Variants in PLSCR1 observed in about 807,000 individuals in gnomAD.
PLSCR1 encodes PL scramblase 1.
A neutral mutation model predicts 37.8 loss-of-function variants in PLSCR1; 17 were observed. The ratio of observed to expected loss-of-function variants is 0.45; its 90% CI spans 0.31 to 0.68. The LOEUF is 0.68. Among genes scored for constraint, PLSCR1 ranks in the 30% least tolerant of loss-of-function variants. The pLI is 0.06. For synonymous variants in PLSCR1, 116 were observed against 125.9 expected (o/e 0.92, Z 0.53); for missense variants, 347 against 380.9 (o/e 0.91, Z 0.74).
intron 5 of PLSCR1, among the ~76,000 whole-genome samples, chr3:146,522,601 GGTTTCTC>G (rs2044041376): frequency 6.6e-6 from 1 of 152,142 alleles, no homozygotes; most frequent in African/African-American, 2.4e-5. Context: ...TATTGTCCAA[GGTTTCTC>G]CCCATGTGAT....
chr3:146,529,364 G>C (rs1163466205), intron 3 of PLSCR1, among the ~76,000 whole-genome samples: 1 of 152,092 alleles, frequency 6.6e-6, no homozygotes, highest in Non-Finnish European at 1.5e-5. Flanking sequence ...CAACTGGAGG[G>C]GAAGATAATA....
intron 5 of PLSCR1, among the ~76,000 whole-genome samples, chr3:146,522,660 T>A (rs1178613911): frequency 6.6e-6 from 1 of 152,088 alleles, no homozygotes; most frequent in Non-Finnish European, 1.5e-5. Context: ...GACCTGACCG[T>A]CCACCAGTCC....
chr3:146,534,460 A>G lies in PLSCR1; in HGVS notation c.14-910T>C, dbSNP rs373703037. Among the ~76,000 whole-genome samples, 48 of 152,218 alleles carry G rather than the reference A, an allele frequency of 3.2e-4. 1 individual carries two copies. The South Asian group carries it at 9.8e-3, about 31-fold the overall frequency. ...AGAAGAACATATAGGTCAAACTTTC[A>G]CTGTAACACATTTTTCTGTATGTGT... On this transcript the variant is annotated intron_variant, in intron 2 of 8. Coordinates refer to ENST00000342435, the MANE Select transcript of PLSCR1 (RefSeq NM_021105.3).
intron 1 of PLSCR1, chr3:146,537,960 A>G (rs1019320750): frequency 1.3e-5 from 2 of 152,228 alleles, no homozygotes; most frequent in Non-Finnish European, 2.9e-5. Context: ...AGTCTTAAGA[A>G]CATTCCAATT....
At chr3:146,540,547 G>A (rs1415156292) in intron 1 of PLSCR1, among the ~76,000 whole-genome samples, 1 of 152,080 alleles carries the variant, frequency 6.6e-6, no homozygotes, top group East Asian at 1.9e-4. Flanking sequence ...ACCCAAAGGG[G>A]AAGCATACTT....
At chr3:146,527,450 A>T (rs1423720172) in intron 4 of PLSCR1, among the ~76,000 whole-genome samples, 4 of 152,234 alleles carry the variant, frequency 2.6e-5, no homozygotes, top group Admixed American at 1.3e-4. Flanking sequence ...TGTACTCCAT[A>T]AATATGCACA....
At chr3:146,534,573 C>T (rs1057447277) in intron 2 of PLSCR1, among the ~76,000 whole-genome samples, 13 of 152,102 alleles carry the variant, frequency 8.5e-5, no homozygotes, top group Admixed American at 2.6e-4. Context: ...CCCCCTGCCC[C>T]GGCCTTTCTC....
intron 3 of PLSCR1, 82 bp from the exon 4 acceptor site, chr3:146,528,913 A>G (rs2044157563): frequency 1.9e-5 from 18 of 928,298 alleles, no homozygotes; most frequent in African/African-American, 5.0e-5. Flanking sequence ...CCATCTATCT[A>G]TAAGTTGACA....
chr3:146,532,143 T>C (rs1489768053), intron 3 of PLSCR1, among the ~76,000 whole-genome samples: 1 of 152,192 alleles, frequency 6.6e-6, no homozygotes, highest in Non-Finnish European at 1.5e-5. Flanking sequence ...TGTAGAGCCA[T>C]ATATATCTAT....
At chr3:146,522,941 C>T (rs1037750829) in intron 5 of PLSCR1, among the ~76,000 whole-genome samples, 15 of 152,110 alleles carry the variant, frequency 9.9e-5, no homozygotes, top group Non-Finnish European at 2.2e-4. Flanking sequence ...TTTTCTTTAC[C>T]TTTTTATGAT....
chr3:146,520,552 A>G (rs6765640), intron 7 of PLSCR1, among the ~76,000 whole-genome samples: 1,831 of 152,234 alleles, frequency 0.012, 34 homozygotes, highest in African/African-American at 0.043. Context: ...TCTATATCAC[A>G]TCCTCCTTAG....
intron 6 of PLSCR1, 48 bp from the exon 7 acceptor site, chr3:146,521,753 G>A: frequency 3.2e-6 from 5 of 1,580,684 alleles, no homozygotes; most frequent in Non-Finnish European, 4.3e-6. Flanking sequence ...ATAATGCCTA[G>A]GTTCGATGAA....
intron 3 of PLSCR1, among the ~76,000 whole-genome samples, chr3:146,529,296 A>G (rs1266647501): frequency 6.6e-6 from 1 of 152,136 alleles, no homozygotes; most frequent in Non-Finnish European, 1.5e-5. Flanking sequence ...AACTGGGGGT[A>G]GTTTTGCCCC....
At chr3:146,543,279 C>G (rs1482316738) in intron 1 of PLSCR1, among the ~76,000 whole-genome samples, 1 of 152,200 alleles carries the variant, frequency 6.6e-6, no homozygotes, top group Non-Finnish European at 1.5e-5. Flanking sequence ...GTACTCTAAG[C>G]TCCTTTACAG....
chr3:146,534,359 ATCT>A (rs1315157978), intron 2 of PLSCR1, among the ~76,000 whole-genome samples: 1 of 151,880 alleles, frequency 6.6e-6, no homozygotes, highest in Non-Finnish European at 1.5e-5. Flanking sequence ...TTATCTCCTT[ATCT>A]GTTTCCTTAT....
chr3:146,534,407 T>C (rs1408441566), intron 2 of PLSCR1, among the ~76,000 whole-genome samples: 1 of 152,188 alleles, frequency 6.6e-6, no homozygotes, highest in Non-Finnish European at 1.5e-5. Flanking sequence ...TCTTTTGTTT[T>C]AGAATCATGG....
chr3:146,537,432 C>T (rs2044280216), intron 1 of PLSCR1, among the ~76,000 whole-genome samples: 1 of 152,142 alleles, frequency 6.6e-6, no homozygotes, highest in African/African-American at 2.4e-5. Context: ...ACTGCCCATC[C>T]CCTTCCCAGG....
At chr3:146,543,073 G>T (rs757800487) in intron 1 of PLSCR1, among the ~76,000 whole-genome samples, 2 of 152,134 alleles carry the variant, frequency 1.3e-5, no homozygotes, top group Non-Finnish European at 2.9e-5. Flanking sequence ...TGGAGGTATG[G>T]TGGGTGGGGT....
chr3:146,528,720 TAC>T lies in PLSCR1; in HGVS notation c.204_205del (p.Tyr69Ter). On this transcript the variant is annotated frameshift_variant, in exon 4 of 9. Coordinates refer to ENST00000342435, the MANE Select transcript of PLSCR1 (RefSeq NM_021105.3). LOFTEE classifies it high-confidence loss of function. ...TGGCTGATTATATACTGGCTGATTATACACTGGCTGATTTGGGACAGGAAAGC... is the reference window on the plus strand; with the variant it reads ...TGGCTGATTATATACTGGCTGATTATACTGGCTGATTTGGGACAGGAAAGC... The T allele has an allele frequency of 6.2e-7, 1 of 1,612,262 alleles. No homozygotes were observed.
Sources: gnomAD v4.1 joint callset for allele counts (sites outside exome capture counted in the v4.1 genomes callset) on GRCh38, gnomAD v4.1.1 for gene constraint, MANE v1.5 for transcripts, NCBI Gene and HGNC (gene_info 2026-07-23, HGNC 2026-07-21) for gene names.